Variants in CDH20 observed in about 807,000 individuals in gnomAD.
CDH20 encodes cadherin 20.
In CDH20, 29 loss-of-function variants were observed where a neutral mutation model predicts 74.2. That is an observed-to-expected ratio of 0.39 (90% CI 0.29 to 0.53). The LOEUF (loss-of-function observed/expected upper bound fraction) is 0.53. Among genes scored for constraint, CDH20 ranks in the 20% least tolerant of loss-of-function variants. The pLI is 0.69. For synonymous variants in CDH20, 469 were observed against 405.4 expected, an observed-to-expected ratio of 1.16 and a Z score of -1.88; for missense variants, 988 against 1,048.3, an observed-to-expected ratio of 0.94 and a Z score of 0.79.
At chr18:61,488,893 T>C (rs141999486) in intron 1 of CDH20, among the ~76,000 whole-genome samples, 10 of 152,308 alleles carry the variant, frequency 6.6e-5, no homozygotes, top group Middle Eastern at 6.8e-3. Flanking sequence ...GGCTTCTCTG[T>C]TCCCTAAGGG....
At chr18:61,526,166 T>C (rs925277240) in intron 6 of CDH20, among the ~76,000 whole-genome samples, 5 of 146,650 alleles carry the variant, frequency 3.4e-5, no homozygotes, top group African/African-American at 1.0e-4. Flanking sequence ...TTCACTCTTA[T>C]TGCCCAGGCT....
intron 11 of CDH20, 87 bp from the exon 12 acceptor site, chr18:61,554,103 A>G: frequency 6.7e-7 from 1 of 1,496,214 alleles, no homozygotes; most frequent in Non-Finnish European, 9.1e-7. Context: ...CCCTTCCCCT[A>G]TCCGTGGTGA....
At chr18:61,392,584 C>T (rs762542434) in intron 1 of CDH20, among the ~76,000 whole-genome samples, 2 of 152,120 alleles carry the variant, frequency 1.3e-5, no homozygotes, top group Non-Finnish European at 2.9e-5. Flanking sequence ...TCTCCCTCTC[C>T]ATGCTGAGCA....
At chr18:61,528,342 T>A in intron 7 of CDH20, 122 bp downstream of exon 7, 1 of 1,021,126 alleles carries the variant, frequency 9.8e-7, no homozygotes, top group Non-Finnish European at 1.4e-6. Context: ...GACTCTCCTC[T>A]TTGAGTTTTT....
chr18:61,337,850 G>A (rs909980116), intron 1 of CDH20, among the ~76,000 whole-genome samples: 7 of 152,156 alleles, frequency 4.6e-5, no homozygotes, highest in Non-Finnish European at 8.8e-5. Context: ...TCCTGATATT[G>A]ACACGGAATA....
rs146946863 is a variant in CDH20 at position 61,345,063 on chromosome 18, G to C, written c.-153+11236G>C. On this transcript the variant is annotated intron_variant, in intron 1 of 11. Coordinates refer to ENST00000262717, the MANE Select transcript of CDH20 (RefSeq NM_031891.4). ...TGCCAGTGAACTCTGATTTAGTTGAGGTTAACGTTAACTTTGCAAATTAAA... is the reference window on the plus strand; with the variant it reads ...TGCCAGTGAACTCTGATTTAGTTGACGTTAACGTTAACTTTGCAAATTAAA... 3.3e-5 allele frequency among the ~76,000 whole-genome samples: 5 copies of C among 152,254 alleles called. No homozygotes were observed. In the East Asian group the frequency reaches 7.7e-4, roughly 23 times the overall value.
In CDH20 at chr18:61,490,905, G is replaced by T. The variant is rs979975232; in HGVS notation, c.246+106G>T. On this transcript the variant is annotated intron_variant, in intron 2 of 11. Coordinates refer to ENST00000262717, the MANE Select transcript of CDH20 (RefSeq NM_031891.4). The stretch of plus-strand genomic sequence containing the variant: ...TTTATCTGAGACCTGAGAAAAACTA[G>T]AACAAGTGGTACGTTACTTGACACC... 4.0e-6 allele frequency: 5 copies of T among 1,242,592 alleles called. No individual in the cohort carries two copies. In the African/African-American group the frequency reaches 7.5e-5, roughly 19 times the overall value. The allele number at this position is 1,242,592 out of a possible 1,614,324, so 77.0% of individuals were successfully genotyped here.
chr18:61,477,120 T>C (rs751021485), intron 1 of CDH20, among the ~76,000 whole-genome samples: 2 of 152,248 alleles, frequency 1.3e-5, no homozygotes, highest in South Asian at 2.1e-4. Flanking sequence ...CCTTGCCCCA[T>C]GATTTTATTA....
intron 1 of CDH20, among the ~76,000 whole-genome samples, chr18:61,347,309 TATATATATATACAC>T (rs1462202066): frequency 3.7e-4 from 33 of 89,862 alleles, no homozygotes; most frequent in Admixed American, 8.2e-4. Flanking sequence ...TATATATATA[TATATATATATACAC>T]ACACACACAC....
At chr18:61,345,575 C>T (rs1466075912) in intron 1 of CDH20, among the ~76,000 whole-genome samples, 1 of 152,106 alleles carries the variant, frequency 6.6e-6, no homozygotes, top group African/African-American at 2.4e-5. Context: ...CAAATTGGGG[C>T]TTGAAGAACA....
intron 1 of CDH20, among the ~76,000 whole-genome samples, chr18:61,352,554 T>C (rs1305470843): frequency 5.3e-5 from 8 of 152,190 alleles, no homozygotes; most frequent in Non-Finnish European, 1.2e-4. Flanking sequence ...GATCACCGTA[T>C]CATGTCTATA....
chr18:61,447,699 G>T (rs893474465), intron 1 of CDH20, among the ~76,000 whole-genome samples: 1 of 152,216 alleles, frequency 6.6e-6, no homozygotes, highest in Non-Finnish European at 1.5e-5. Flanking sequence ...AGCTTGAAGA[G>T]CTAAGCCAAC....
chr18:61,425,949 T>C (rs1182578931), intron 1 of CDH20, among the ~76,000 whole-genome samples: 1 of 152,208 alleles, frequency 6.6e-6, no homozygotes, highest in Non-Finnish European at 1.5e-5. Flanking sequence ...ACGGCAACAC[T>C]CCCAGTACTT....
intron 1 of CDH20, among the ~76,000 whole-genome samples, chr18:61,349,636 A>C (rs927871357): frequency 6.6e-6 from 1 of 152,164 alleles, no homozygotes. Flanking sequence ...GGAGTTCTGC[A>C]ATGAGTATTA....
chr18:61,429,323 G>C (rs1257806127), intron 1 of CDH20, among the ~76,000 whole-genome samples: 4 of 152,042 alleles, frequency 2.6e-5, no homozygotes, highest in Non-Finnish European at 4.4e-5. Context: ...ACTACATTTG[G>C]GAATTTTGCA....
Position 61,351,474 on chromosome 18 carries a change from A to G in CDH20, c.-153+17647A>G, listed in dbSNP as rs1004344263. 1.6e-4 allele frequency among the ~76,000 whole-genome samples: 25 copies of G among 152,176 alleles called. 1 individual carries two copies. Among genetic ancestry groups the G allele is most frequent in the Admixed American group, 1.6e-3 (25 of 15,280 alleles). On this transcript the variant is annotated intron_variant, in intron 1 of 11. Coordinates refer to ENST00000262717, the MANE Select transcript of CDH20 (RefSeq NM_031891.4). ...TTGAAAAGTGGGAGTAATAATGCTG[A>G]TCTCAAAAGAATTACATTTGATTAT...
At chr18:61,351,666 G>A (rs1039008921) in intron 1 of CDH20, among the ~76,000 whole-genome samples, 1 of 151,936 alleles carries the variant, frequency 6.6e-6, no homozygotes, top group Admixed American at 6.6e-5. Context: ...ATTTTCAGGT[G>A]ATATGGGGAT....
At chr18:61,514,945 G>T (rs1478084586) in intron 6 of CDH20, among the ~76,000 whole-genome samples, 1 of 151,480 alleles carries the variant, frequency 6.6e-6, no homozygotes, top group Admixed American at 6.6e-5. Flanking sequence ...GGTTACTGCT[G>T]TCTTTTTGTT....
rs71338240 is a variant in CDH20 at position 61,499,529 on chromosome 18, T to TACACACACAC, written c.541+55_541+64dup. 6 of 1,046,448 alleles carry TACACACACAC rather than the reference T, an allele frequency of 5.7e-6. No individual in the cohort carries two copies. In the South Asian group the frequency reaches 9.2e-5, roughly 16 times the overall value. 64.8% of individuals were successfully genotyped at this position (1,046,448 alleles called of 1,614,324 possible). A position where few individuals can be genotyped will look rare whatever the true frequency, so the allele number is the denominator to read the frequency against. On this transcript the variant is annotated intron_variant, in intron 3 of 11. Coordinates refer to ENST00000262717, the MANE Select transcript of CDH20 (RefSeq NM_031891.4). ...TCACAAATAGCACCTCCTATATATATACACACACACACACATATGCACATG... is the reference window on the plus strand; with the variant it reads ...TCACAAATAGCACCTCCTATATATATACACACACACACACACACACACACATATGCACATG...
Sources: allele counts gnomAD v4.1 joint callset (sites outside exome capture counted in the v4.1 genomes callset), GRCh38; gene constraint gnomAD v4.1.1; transcripts MANE v1.5; gene names NCBI Gene and HGNC (gene_info 2026-07-23, HGNC 2026-07-21).